Variants in DYNC1H1 observed in about 807,000 individuals in gnomAD.
DYNC1H1 encodes cytoplasmic dynein 1 heavy chain 1.
Under a neutral mutation model 527.1 loss-of-function variants are expected in DYNC1H1, and 51 were observed. That is an observed-to-expected ratio of 0.10 (90% CI 0.08 to 0.12). DYNC1H1 has a LOEUF of 0.12. Ranked by LOEUF, DYNC1H1 falls within the 10% of genes least tolerant of loss-of-function variation. DYNC1H1 has a pLI of 1.00. For missense variants in DYNC1H1, 2,771 were observed against 5,971.8 expected, an observed-to-expected ratio of 0.46 and a Z score of 17.66; for synonymous variants, 2,189 against 2,278.8, an observed-to-expected ratio of 0.96 and a Z score of 1.12.
In DYNC1H1 at chr14:102,041,117, A is replaced by G. The variant is rs553301285; in HGVS notation, c.11941+444A>G. 1 of 345,634 alleles carries G rather than the reference A, an allele frequency of 2.9e-6. No homozygotes were observed. Among genetic ancestry groups the G allele is most frequent in the South Asian group, 2.5e-5 (1 of 39,834 alleles). 21.4% of individuals were successfully genotyped at this position (345,634 alleles called of 1,614,324 possible). Reference sequence around the variant, plus strand: ...TGCTTAAAGACCACAAGAGAACTAGATGGGGAACTCCTGCCTAATGCTAAG... The same window carrying G: ...TGCTTAAAGACCACAAGAGAACTAGGTGGGGAACTCCTGCCTAATGCTAAG... On this transcript the variant is annotated intron_variant, in intron 64 of 77. Coordinates refer to ENST00000360184, the MANE Select transcript of DYNC1H1 (RefSeq NM_001376.5). The surrounding 1 kb of genome is among the most constrained non-coding windows in gnomAD (Gnocchi z 4.5).
chr14:102,039,724 C>G lies in DYNC1H1; in HGVS notation c.11682C>G (p.Gly3894=). Residue 3894 remains glycine (G), a synonymous_variant, in exon 62 of 78, where the codon GGC becomes GGG. Transcript: ENST00000360184. The surrounding 1 kb of genome is among the most constrained non-coding windows in gnomAD (Gnocchi z 7.0). ...AMLLARIKLK[G]TVGEPTYDAE... is the part of the protein sequence containing the mutation. ...TGCTGGCAAGAATCAAACTGAAGGG[C>G]ACCGTGGGGTAAGAGCACTCACGCC... The G allele has an allele frequency of 6.2e-7, 1 of 1,614,212 alleles. No individual in the cohort carries two copies. Among genetic ancestry groups the G allele is most frequent in the Non-Finnish European group, 8.5e-7 (1 of 1,180,052 alleles).
intron 2 of DYNC1H1, among the ~76,000 whole-genome samples, chr14:101,976,376 C>G (rs2047800794): frequency 6.6e-6 from 1 of 151,040 alleles, no homozygotes; most frequent in Admixed American, 6.6e-5. Flanking sequence ...AACCCTGTCT[C>G]TACTAAAAAT....
chr14:102,021,845 G>A (rs1321777235), intron 42 of DYNC1H1, among the ~76,000 whole-genome samples: 1 of 151,702 alleles, frequency 6.6e-6, no homozygotes, highest in Non-Finnish European at 1.5e-5. Flanking sequence ...ATTTTTAGTA[G>A]AGACAGGGTT....
At chr14:101,967,657 T>C (rs1380627604) in intron 1 of DYNC1H1, among the ~76,000 whole-genome samples, 1 of 152,026 alleles carries the variant, frequency 6.6e-6, no homozygotes, top group African/African-American at 2.4e-5. Context: ...CTGGGCAACA[T>C]AGCAAGACCC....
At chr14:102,006,774 A>G (rs1283135626) in intron 27 of DYNC1H1, among the ~76,000 whole-genome samples, 1 of 150,776 alleles carries the variant, frequency 6.6e-6, no homozygotes, top group Non-Finnish European at 1.5e-5. Flanking sequence ...TAATTTTTGT[A>G]TTTTTAGTAG....
chr14:102,034,151 C>G lies in DYNC1H1; in HGVS notation c.10589C>G (p.Thr3530Ser). The G allele has an allele frequency of 6.2e-7, 1 of 1,614,200 alleles. No individual in the cohort carries two copies. The highest frequency in any genetic ancestry group is 8.5e-7 in the Non-Finnish European group (1 of 1,180,042). ...CAGCAGATGCGTCAGAACTTGTTCA[C>G]TACCTGGTCCCATCACCTACAGCAA... ...FDQQMRQNLF[T>S]TWSHHLQQAN... Residue 3530 changes from threonine (T) to serine (S), a missense_variant, in exon 55 of 78, where the codon ACT becomes AGT. By Grantham distance (58) the Thr-to-Ser change is moderately conservative (BLOSUM62 1). Coordinates refer to ENST00000360184, the MANE Select transcript of DYNC1H1 (RefSeq NM_001376.5).
In DYNC1H1 at chr14:102,016,035, C is replaced by A; in HGVS notation, c.7422C>A (p.Ala2474=). The change falls in exon 36 of 78, where the codon GCC becomes GCA. Residue 2474 remains alanine (A), a synonymous_variant. Coordinates refer to ENST00000360184, the MANE Select transcript of DYNC1H1 (RefSeq NM_001376.5). This position sits in a 1 kb window ranked among gnomAD's most constrained non-coding sequence, Gnocchi z 7.3. ...QACRNVAQYN[A]NHPDFPMQIE... is the part of the protein sequence containing the mutation. Reference sequence around the variant, plus strand: ...GCCGCAACGTGGCGCAGTATAACGCCAACCATCCCGACTTCCCCATGCAGA... The same window carrying A: ...GCCGCAACGTGGCGCAGTATAACGCAAACCATCCCGACTTCCCCATGCAGA... 1 of 1,613,574 alleles carries A rather than the reference C, an allele frequency of 6.2e-7. No homozygotes were observed. The highest frequency in any genetic ancestry group is 2.2e-5 in the East Asian group (1 of 44,866).
rs2048405340 is a variant in DYNC1H1 at position 102,023,082 on chromosome 14, G to C, written c.8637+202G>C. 5 of 783,616 alleles carry C rather than the reference G, an allele frequency of 6.4e-6. No individual in the cohort carries two copies. In the Admixed American group the frequency reaches 1.1e-4, roughly 17 times the overall value. The allele number at this position is 783,616 out of a possible 1,614,324, so 48.5% of individuals were successfully genotyped here. On this transcript the variant is annotated intron_variant, in intron 43 of 77. Coordinates refer to ENST00000360184, the MANE Select transcript of DYNC1H1 (RefSeq NM_001376.5). ...GTTTGAGACCAGCCTGGGCAACATA[G>C]TAAGACTCCACCTCTACAAAAAAAT...
chr14:101,970,470 G>GTTTTTTTTTTTTT (rs1324948272), intron 1 of DYNC1H1, among the ~76,000 whole-genome samples: 5 of 96,276 alleles, frequency 5.2e-5, no homozygotes, highest in African/African-American at 1.4e-4. Context: ...TTGGTTTGTT[G>GTTTTTTTTTTTTT]TTGTTTTTTT....
rs375687099 is a variant in DYNC1H1, at chr14:102,016,044, C to T, written c.7431C>T (p.Pro2477=). The change falls in exon 36 of 78, where the codon CCC becomes CCT. Residue 2477 remains proline, a synonymous_variant. Coordinates refer to ENST00000360184, the MANE Select transcript of DYNC1H1 (RefSeq NM_001376.5). This position sits in a 1 kb window ranked among gnomAD's most constrained non-coding sequence, Gnocchi z 7.3. ...RNVAQYNANH[P]DFPMQIEQLE... ...TGGCGCAGTATAACGCCAACCATCC[C>T]GACTTCCCCATGCAGATCGAGCAGC... The T allele has an allele frequency of 1.6e-5, 26 of 1,613,168 alleles. 1 individual carries two copies. The highest frequency in any genetic ancestry group is 3.3e-4 in the Middle Eastern group (2 of 6,082).
intron 1 of DYNC1H1, among the ~76,000 whole-genome samples, chr14:101,974,092 CTTTA>C (rs1287736468): frequency 1.3e-5 from 2 of 152,042 alleles, no homozygotes; most frequent in African/African-American, 2.4e-5. Flanking sequence ...CTGCCCTTTC[CTTTA>C]TTTATTTATT....
In DYNC1H1 at chr14:102,002,988, G is replaced by C. The variant is rs1453318887; in HGVS notation, c.4883+23G>C. 2 of 1,613,614 alleles carry C rather than the reference G, an allele frequency of 1.2e-6. No individual in the cohort carries two copies. Among genetic ancestry groups the C allele is most frequent in the Non-Finnish European group, 1.7e-6 (2 of 1,179,976 alleles). On this transcript the variant is annotated intron_variant, in intron 23 of 77. Transcript: ENST00000360184. The surrounding 1 kb of genome is among the most constrained non-coding windows in gnomAD (Gnocchi z 4.4). ...CAGGTAAGATCCTTGCTTTGACTTG[G>C]CCTGGAGTCAAGTTGAATTTCAGTT...
chr14:101,982,586 C>T (rs563602094), intron 5 of DYNC1H1, among the ~76,000 whole-genome samples: 27 of 151,910 alleles, frequency 1.8e-4, no homozygotes, highest in African/African-American at 5.3e-4. Flanking sequence ...AGCAAAACTC[C>T]GTCTCAAAAA....
intron 1 of DYNC1H1, among the ~76,000 whole-genome samples, chr14:101,967,042 C>T (rs1180382148): frequency 1.3e-5 from 2 of 152,186 alleles, no homozygotes; most frequent in Non-Finnish European, 2.9e-5. Context: ...TGAAGTATTT[C>T]TACCAATTCA....
At chr14:102,013,241 T>A (rs1595615742) in intron 34 of DYNC1H1, among the ~76,000 whole-genome samples, 1 of 88,688 alleles carries the variant, frequency 1.1e-5, no homozygotes, top group Non-Finnish European at 2.0e-5. Flanking sequence ...AGAGAGAGAC[T>A]CCGTCTCAAA....
rs2048458081 is a variant in DYNC1H1 at position 102,026,965 on chromosome 14, T to G, written c.8772-209T>G. On this transcript the variant is annotated intron_variant, in intron 44 of 77. Transcript: ENST00000360184. ...CTTTGACCTTCTGCTGGAATTGCAT[T>G]AGTCTCTCATGTCAGTCTAGAGGAC... 1.3e-5 allele frequency: 10 copies of G among 769,546 alleles called. No individual in the cohort carries two copies. The South Asian group carries it at 1.6e-4, about 12-fold the overall frequency. 47.7% of individuals were successfully genotyped at this position (769,546 alleles called of 1,614,324 possible).
At chr14:102,024,427 G>A (rs1446064119) in intron 43 of DYNC1H1, among the ~76,000 whole-genome samples, 1 of 152,148 alleles carries the variant, frequency 6.6e-6, no homozygotes, top group African/African-American at 2.4e-5. Flanking sequence ...CTCAGGCTGG[G>A]AAGAGATTTC....
rs1157353313 is a variant in DYNC1H1 at position 101,986,349 on chromosome 14, G to A, written c.2124G>A (p.Gln708=). 1.2e-6 allele frequency: 2 copies of A among 1,613,988 alleles called. No homozygotes were observed. The highest frequency in any genetic ancestry group is 2.7e-5 in the African/African-American group (2 of 74,910). ...IFDDWARKVQ[Q]RNLGVSGRIF... is the part of the protein sequence containing the mutation. ...ATGACTGGGCAAGGAAGGTGCAGCA[G>A]CGCAACCTCGGTGTCTCGGGGCGCA... Residue 708 remains glutamine (Q), a synonymous_variant, in exon 8 of 78, where the codon CAG becomes CAA. Transcript: ENST00000360184. This position sits in a 1 kb window ranked among gnomAD's most constrained non-coding sequence, Gnocchi z 8.7.
chr14:102,044,936 A>G lies in DYNC1H1; in HGVS notation c.13006+238A>G, dbSNP rs1389880974. 6.9e-6 allele frequency: 4 copies of G among 579,064 alleles called. No individual in the cohort carries two copies. Among genetic ancestry groups the G allele is most frequent in the Non-Finnish European group, 1.2e-5 (4 of 323,578 alleles). The allele number at this position is 579,064 out of a possible 1,614,324, so 35.9% of individuals were successfully genotyped here. On this transcript the variant is annotated intron_variant, in intron 72 of 77. Coordinates refer to ENST00000360184, the MANE Select transcript of DYNC1H1 (RefSeq NM_001376.5). This position sits in a 1 kb window ranked among gnomAD's most constrained non-coding sequence, Gnocchi z 7.1. ...TGGCTCTTCTCTGCAGCATCAACTC[A>G]GTTCTAGAGAAAAGGCTTGATATTT...
Sources: allele counts gnomAD v4.1 joint callset (sites outside exome capture counted in the v4.1 genomes callset), GRCh38; gene constraint gnomAD v4.1.1; non-coding constraint Gnocchi (gnomAD v3.1); transcripts MANE v1.5; gene names NCBI Gene and HGNC (gene_info 2026-07-23, HGNC 2026-07-21).